NME9: variants seen among roughly 807,000 people sequenced by gnomAD.
NME9 encodes thioredoxin domain-containing protein 6.
NME9 carries 48 observed loss-of-function variants against 44.4 expected under a neutral mutation model. That is an observed-to-expected ratio of 1.08 (90% CI 0.86 to 1.37). The LOEUF is 1.37. Ranked by LOEUF, NME9 falls within the 40% of genes most tolerant of loss-of-function variation. The probability of loss-of-function intolerance (pLI) is 0.00; values close to 1 mark genes in which losing one functional copy is unlikely to be tolerated. For synonymous variants in NME9, 139 were observed against 147.1 expected (o/e 0.94, Z 0.40); for missense variants, 325 against 405.2 (o/e 0.80, Z 1.70).
downstream of NME9, among the ~76,000 whole-genome samples, chr3:138,299,656 G>A (rs530203009): frequency 3.3e-5 from 5 of 152,082 alleles, no homozygotes; most frequent in Non-Finnish European, 7.4e-5. Flanking sequence ...AGTAATGGGA[G>A]GAAGGGGCAT....
At chr3:138,314,604 C>A (rs1400033533) in intron 5 of NME9, among the ~76,000 whole-genome samples, 197 bp from the exon 6 acceptor site, 1 of 152,112 alleles carries the variant, frequency 6.6e-6, no homozygotes, top group Non-Finnish European at 1.5e-5. Flanking sequence ...AATTAGAATA[C>A]AAGAAAATCC....
chr3:138,268,584 CG>C, intron 8 of NME9, among the ~76,000 whole-genome samples: 1 of 152,138 alleles, frequency 6.6e-6, no homozygotes, highest in African/African-American at 2.4e-5. Context: ...AACTCCCAAC[CG>C]GGGCAACATA....
At chr3:138,276,389 G>GC (rs1423502542) in intron 8 of NME9, among the ~76,000 whole-genome samples, 4 of 152,148 alleles carry the variant, frequency 2.6e-5, no homozygotes, top group Non-Finnish European at 5.9e-5. Context: ...ATGTATCACT[G>GC]CCCTTAAATT....
chr3:138,281,766 C>G (rs566676777), intron 8 of NME9, among the ~76,000 whole-genome samples: 12 of 152,242 alleles, frequency 7.9e-5, no homozygotes, highest in African/African-American at 2.4e-4. Context: ...CTGACCTGGT[C>G]TATTCTGAGG....
intron 2 of NME9, among the ~76,000 whole-genome samples, chr3:138,321,590 C>T (rs2053466519): frequency 1.3e-5 from 2 of 152,158 alleles, no homozygotes; most frequent in Admixed American, 6.5e-5. Context: ...TGCCTGATGC[C>T]ATAGCCCATG....
intron 1 of NME9, among the ~76,000 whole-genome samples, chr3:138,328,362 C>T (rs2108472850): frequency 6.6e-6 from 1 of 151,602 alleles, no homozygotes; most frequent in Non-Finnish European, 1.5e-5. Context: ...CCCTCCCACC[C>T]CCAGCATGGG....
chr3:138,284,117 A>T (rs1332939418), intron 8 of NME9, among the ~76,000 whole-genome samples: 1 of 152,232 alleles, frequency 6.6e-6, no homozygotes, highest in Admixed American at 6.5e-5. Context: ...TTTCAAGAAA[A>T]ATAATAAGTT....
intron 1 of NME9, among the ~76,000 whole-genome samples, chr3:138,329,047 A>G (rs1295089790): frequency 6.6e-6 from 1 of 152,226 alleles, no homozygotes; most frequent in African/African-American, 2.4e-5. Flanking sequence ...TTATGGTTGT[A>G]TAAGCACTAT....
intron 6 of NME9, among the ~76,000 whole-genome samples, chr3:138,308,392 T>C (rs2052434898): frequency 6.6e-6 from 1 of 152,120 alleles, no homozygotes; most frequent in South Asian, 2.1e-4. Context: ...AGAGACACCG[T>C]CCCAGCAACA....
chr3:138,268,673 G>A (rs896042968), intron 8 of NME9, among the ~76,000 whole-genome samples: 16 of 152,082 alleles, frequency 1.1e-4, no homozygotes, highest in African/African-American at 3.9e-4. Flanking sequence ...CTACTCGAGA[G>A]GCCGAGGCAG....
chr3:138,297,181 T>C (rs1366994698), downstream of NME9: 2 of 152,188 alleles, frequency 1.3e-5, no homozygotes, highest in Admixed American at 6.5e-5. Flanking sequence ...TGCATGAAGC[T>C]AAAAGCACTC....
chr3:138,327,874 C>G (rs1000282302), intron 1 of NME9, among the ~76,000 whole-genome samples: 1 of 152,082 alleles, frequency 6.6e-6, no homozygotes, highest in African/African-American at 2.4e-5. Flanking sequence ...AAAGTTATTA[C>G]CCCCATAGGA....
At chr3:138,291,547 C>T (rs911952408) in intron 8 of NME9, among the ~76,000 whole-genome samples, 4 of 152,162 alleles carry the variant, frequency 2.6e-5, no homozygotes, top group African/African-American at 9.7e-5. Context: ...GTGTAACTTA[C>T]ATTCTAGTAT....
intron 8 of NME9, among the ~76,000 whole-genome samples, chr3:138,274,103 C>T (rs142831688): frequency 0.012 from 1,783 of 152,224 alleles, 36 homozygotes; most frequent in African/African-American, 0.039. Flanking sequence ...CAGGCGTGAG[C>T]GTACCGTACT....
intron 4 of NME9, among the ~76,000 whole-genome samples, chr3:138,316,536 G>A (rs1042446194): frequency 1.3e-5 from 2 of 152,198 alleles, no homozygotes; most frequent in Non-Finnish European, 2.9e-5. Flanking sequence ...GAGATGGTCA[G>A]GGAAGCCTTC....
At chr3:138,319,265 G>A (rs1239757823) in intron 3 of NME9, among the ~76,000 whole-genome samples, 1 of 152,148 alleles carries the variant, frequency 6.6e-6, no homozygotes, top group African/African-American at 2.4e-5. Flanking sequence ...AACTGCTCAA[G>A]CCAAGAGGGA....
At chr3:138,315,767 T>G (rs746128951) in intron 4 of NME9, 124 bp from the exon 5 acceptor site, 3 of 677,150 alleles carry the variant, frequency 4.4e-6, no homozygotes, top group Non-Finnish European at 7.6e-6. Context: ...TGTAGCAGCG[T>G]GCTCACTTCT....
chr3:138,329,453 C>T lies in NME9; in HGVS notation c.-118G>A. ...GAGCCTCCTTCAGACAAGCCCCCCT[C>T]CTACGGCCCCCGGCCCCTTTTTAAG... On this transcript the variant is annotated 5_prime_UTR_variant, in exon 1 of 11. Transcript: ENST00000333911. 6.6e-7 allele frequency: 1 copy of T among 1,507,612 alleles called. No homozygotes were observed. The highest frequency in any genetic ancestry group is 8.8e-7 in the Non-Finnish European group (1 of 1,133,440). 93.4% of individuals were successfully genotyped at this position (1,507,612 alleles called of 1,614,324 possible).
At position 138,301,697 on chromosome 3, in the gene NME9, C is replaced by G; in HGVS notation, c.936G>C (p.Glu312Asp). Reference sequence around the variant, plus strand: ...CAGTGGGCCCCGCTGTTGCTTCAGCCTCACCGCCTGTGGGATGACAGATGT... The same window carrying G: ...CAGTGGGCCCCGCTGTTGCTTCAGCGTCACCGCCTGTGGGATGACAGATGT... Reference protein sequence around the residue: ...DKDTEAPQGGEAEATAGPTEA... With the variant: ...DKDTEAPQGGDAEATAGPTEA... Residue 312 changes from glutamate to aspartate, a missense_variant, in exon 11 of 11, where the codon GAG becomes GAC. Glu to Asp is a conservative substitution (Grantham distance 45). Coordinates refer to ENST00000333911, the MANE Select transcript of NME9 (RefSeq NM_001349018.2). 3.3e-6 allele frequency: 5 copies of G among 1,536,026 alleles called. No homozygotes were observed. In the South Asian group the frequency reaches 5.9e-5, roughly 18 times the overall value.
Sources: allele counts gnomAD v4.1 joint callset (sites outside exome capture counted in the v4.1 genomes callset), GRCh38; gene constraint gnomAD v4.1.1; transcripts MANE v1.5; gene names NCBI Gene and HGNC (gene_info 2026-07-23, HGNC 2026-07-21).